The following ADGRB1 variants were observed in gnomAD, a reference collection of about 807,000 sequenced individuals.
The protein encoded by ADGRB1 is brain-specific angiogenesis inhibitor 1.
Under a neutral mutation model 175.7 loss-of-function variants are expected in ADGRB1, and 36 were observed. The observed-to-expected ratio is 0.20, with a 90% CI of 0.16 to 0.27. The LOEUF (loss-of-function observed/expected upper bound fraction) is 0.27. ADGRB1 is among the 10% of genes least tolerant of loss of function. The pLI is 1.00. For synonymous variants in ADGRB1, 1,054 were observed against 979.4 expected, an observed-to-expected ratio of 1.08 and a Z score of -1.42; for missense variants, 1,731 against 2,255.3, an observed-to-expected ratio of 0.77 and a Z score of 4.71.
rs1269828645 is a variant in ADGRB1 at position 142,453,105 on chromosome 8, G to T, written c.-220+3001G>T. ...GGTCCCGTGACGCGCCTCGCGTCTC[G>T]GCCGGAGCCCCCCTCGCCGGCCCGG... On this transcript the variant is annotated intron_variant, in intron 1 of 30. Transcript: ENST00000517894. Among the ~76,000 whole-genome samples, 6 of 143,704 alleles carry T rather than the reference G, an allele frequency of 4.2e-5. No homozygotes were observed. In the East Asian group the frequency reaches 1.3e-3, roughly 32 times the overall value. The allele number at this position is 143,704 out of a possible 152,430, so 94.3% of individuals were successfully genotyped here.
intron 2 of ADGRB1, among the ~76,000 whole-genome samples, chr8:142,470,036 G>A (rs1004768604): frequency 8.5e-5 from 13 of 152,198 alleles, no homozygotes; most frequent in East Asian, 3.9e-4. Context: ...AGGCCAGCCC[G>A]TGGCCCATTT....
In ADGRB1 at chr8:142,492,784, A is replaced by G. The variant is rs1842041254; in HGVS notation, c.2675+1969A>G. Among the ~76,000 whole-genome samples the G allele has an allele frequency of 6.6e-6, 1 of 152,144 alleles. No individual in the cohort carries two copies. The highest frequency in any genetic ancestry group is 2.1e-4 in the South Asian group (1 of 4,832). ...GCAAGAAGAAAGCCCCCCTGCTTGCATGACCCAGGCCCACCCCTGGGCTTT... is the reference window on the plus strand; with the variant it reads ...GCAAGAAGAAAGCCCCCCTGCTTGCGTGACCCAGGCCCACCCCTGGGCTTT... On this transcript the variant is annotated intron_variant, in intron 17 of 30. Coordinates refer to ENST00000517894, the MANE Select transcript of ADGRB1 (RefSeq NM_001702.3). This position sits in a 1 kb window ranked among gnomAD's most constrained non-coding sequence, Gnocchi z 4.4.
intron 25 of ADGRB1, among the ~76,000 whole-genome samples, chr8:142,535,995 C>T (rs1307681957): frequency 6.6e-6 from 1 of 152,154 alleles, no homozygotes; most frequent in African/African-American, 2.4e-5. Flanking sequence ...GCCTCGGTCC[C>T]CATCTGCCTG....
chr8:142,502,110 G>A (rs555802297), intron 17 of ADGRB1, among the ~76,000 whole-genome samples: 30 of 131,386 alleles, frequency 2.3e-4, no homozygotes, highest in South Asian at 1.3e-3. Flanking sequence ...TTTTGATGAC[G>A]GAGGTGAGGT....
At chr8:142,491,786 G>C (rs1189477105) in intron 17 of ADGRB1, among the ~76,000 whole-genome samples, 1 of 152,194 alleles carries the variant, frequency 6.6e-6, no homozygotes, top group East Asian at 1.9e-4. Flanking sequence ...ATGGCCACCT[G>C]GGTGCCGGTG....
At position 142,450,015 on chromosome 8, in the gene ADGRB1, G is replaced by A. The variant is rs1206531367; in HGVS notation, c.-309G>A. 7 of 149,588 alleles carry A rather than the reference G, an allele frequency of 4.7e-5. No individual in the cohort carries two copies. Among genetic ancestry groups the A allele is most frequent in the African/African-American group, 7.3e-5 (3 of 41,076 alleles). The allele number at this position is 149,588 out of a possible 1,614,324, so 9.3% of individuals were successfully genotyped here. A position where few individuals can be genotyped will look rare whatever the true frequency, so the allele number is the denominator to read the frequency against. On this transcript the variant is annotated 5_prime_UTR_variant, in exon 1 of 31. Transcript: ENST00000517894. Reference sequence around the variant, plus strand: ...CCCCCCCACCTCCGGTCGGGCGCCCGGCTCAGCCGCCGGCGACGCGAGGCG... The same window carrying A: ...CCCCCCCACCTCCGGTCGGGCGCCCAGCTCAGCCGCCGGCGACGCGAGGCG...
chr8:142,521,037 T>A, intron 20 of ADGRB1, 112 bp downstream of exon 20: 2 of 1,075,286 alleles, frequency 1.9e-6, no homozygotes, highest in Non-Finnish European at 2.7e-6. Context: ...CAGGCGGGTG[T>A]GGGGGCAGGA....
intron 11 of ADGRB1, among the ~76,000 whole-genome samples, chr8:142,483,040 A>ACC (rs1841448233): frequency 1.3e-5 from 2 of 149,152 alleles, no homozygotes; most frequent in East Asian, 2.0e-4. Context: ...CCCTGGTCAC[A>ACC]CTGAGCCCTG....
chr8:142,532,600 C>T (rs1370805303), intron 24 of ADGRB1, among the ~76,000 whole-genome samples: 1 of 152,138 alleles, frequency 6.6e-6, no homozygotes, highest in African/African-American at 2.4e-5. Context: ...CCGTCTGTCT[C>T]TGTCTCTCCT....
chr8:142,522,369 G>C (rs1002327749), intron 21 of ADGRB1, among the ~76,000 whole-genome samples: 1 of 152,194 alleles, frequency 6.6e-6, no homozygotes, highest in Non-Finnish European at 1.5e-5. Flanking sequence ...GTATTTGGGA[G>C]GTACATTTAC....
intron 17 of ADGRB1, among the ~76,000 whole-genome samples, chr8:142,506,879 T>A (rs1842876613): frequency 6.6e-6 from 1 of 152,202 alleles, no homozygotes; most frequent in South Asian, 2.1e-4. Context: ...CAAGGGAGGC[T>A]CGGGTAACTC....
chr8:142,475,695 G>T, intron 3 of ADGRB1, 60 bp downstream of exon 3: 1 of 1,207,960 alleles, frequency 8.3e-7, no homozygotes, highest in Non-Finnish European at 1.0e-6. Flanking sequence ...CTGTGAGGGA[G>T]GAGAGGGGGG....
intron 17 of ADGRB1, among the ~76,000 whole-genome samples, chr8:142,501,896 GAT>G (rs1193752441): frequency 5.5e-4 from 9 of 16,338 alleles, no homozygotes; most frequent in South Asian, 2.4e-3. Flanking sequence ...TGGTGAGGGT[GAT>G]GTGGTGGTGA....
At chr8:142,530,167 G>T (rs1027933187) in intron 24 of ADGRB1, among the ~76,000 whole-genome samples, 1 of 152,114 alleles carries the variant, frequency 6.6e-6, no homozygotes, top group African/African-American at 2.4e-5. Context: ...GTGTGTGCGT[G>T]TGTGTGTATG....
chr8:142,521,915 T>C, intron 20 of ADGRB1, 50 bp from the exon 21 acceptor site: 1 of 1,539,012 alleles, frequency 6.5e-7, no homozygotes, highest in Non-Finnish European at 8.7e-7. Flanking sequence ...GGGACAGGTG[T>C]GGGGCCGGGG....
At position 142,511,553 on chromosome 8, in the gene ADGRB1, T is replaced by TGGCGGTGGCCCCAGGCAGG. The variant is rs1425627556; in HGVS notation, c.2817+484_2817+502dup. Among the ~76,000 whole-genome samples, 1 of 152,024 alleles carries TGGCGGTGGCCCCAGGCAGG rather than the reference T, an allele frequency of 6.6e-6. No individual in the cohort carries two copies. Among genetic ancestry groups the TGGCGGTGGCCCCAGGCAGG allele is most frequent in the East Asian group, 1.9e-4 (1 of 5,158 alleles). On this transcript the variant is annotated intron_variant, in intron 18 of 30. Coordinates refer to ENST00000517894, the MANE Select transcript of ADGRB1 (RefSeq NM_001702.3). The surrounding 1 kb of genome is among the most constrained non-coding windows in gnomAD (Gnocchi z 4.5). ...AGAGCCTGGTCCGTGGAGGAGGAGGTGGCGGTGGCCCCAGGCAGGGGCCCT... is the reference window on the plus strand; with the variant it reads ...AGAGCCTGGTCCGTGGAGGAGGAGGTGGCGGTGGCCCCAGGCAGGGGCGGTGGCCCCAGGCAGGGGCCCT...
chr8:142,520,028 G>GTGGTGATGGAGTGATGA (rs2132113553), intron 19 of ADGRB1, among the ~76,000 whole-genome samples: 1 of 87,324 alleles, frequency 1.1e-5, no homozygotes. Context: ...GATGGTGGTG[G>GTGGTGATGGAGTGATGA]TGGTGATGGT....
intron 24 of ADGRB1, among the ~76,000 whole-genome samples, chr8:142,532,257 G>A (rs533184080): frequency 9.3e-4 from 141 of 152,308 alleles, no homozygotes; most frequent in Middle Eastern, 3.4e-3. Context: ...AGCACTCACC[G>A]CAGCCGGGGT....
Position 142,543,715 on chromosome 8 carries a change from AGGGCAGGGAG to A in ADGRB1, c.4557+12_4557+21del. 2.1e-6 allele frequency: 1 copy of A among 473,552 alleles called. No individual in the cohort carries two copies. Among genetic ancestry groups the A allele is most frequent in the Non-Finnish European group, 4.0e-6 (1 of 252,650 alleles). 29.3% of individuals were successfully genotyped at this position (473,552 alleles called of 1,614,324 possible). A position where few individuals can be genotyped will look rare whatever the true frequency, so the allele number is the denominator to read the frequency against. The stretch of plus-strand genomic sequence containing the variant: ...GCTGGGGCCGGACAGCAAGGTCTGG[AGGGCAGGGAG>A]GGGCGGGGTGGGGAGAGCCCTTAGG... On this transcript the variant is annotated splice_region_variant and intron_variant, in intron 30 of 30. Transcript: ENST00000517894. The surrounding 1 kb of genome is among the most constrained non-coding windows in gnomAD (Gnocchi z 4.4).
Sources: allele counts gnomAD v4.1 joint callset (sites outside exome capture counted in the v4.1 genomes callset), GRCh38; gene constraint gnomAD v4.1.1; non-coding constraint Gnocchi (gnomAD v3.1); transcripts MANE v1.5; gene names NCBI Gene and HGNC (gene_info 2026-07-23, HGNC 2026-07-21).